Variants in EGLN1 observed in about 807,000 individuals in gnomAD.
EGLN1 encodes the protein egl nine homolog 1.
EGLN1 carries 17 observed loss-of-function variants against 38.3 expected under a neutral mutation model. The ratio of observed to expected loss-of-function variants is 0.44; its 90% CI spans 0.30 to 0.67. EGLN1 has a LOEUF of 0.67. Ranked by LOEUF, EGLN1 falls within the 30% of genes least tolerant of loss-of-function variation. The pLI is 0.08. For missense variants in EGLN1, 477 were observed against 603.3 expected, an observed-to-expected ratio of 0.79 and a Z score of 2.19; for synonymous variants, 283 against 257.5, an observed-to-expected ratio of 1.10 and a Z score of -0.95.
At chr1:231,396,904 T>C (rs1688543514) in intron 1 of EGLN1, among the ~76,000 whole-genome samples, 1 of 152,072 alleles carries the variant, frequency 6.6e-6, no homozygotes, top group African/African-American at 2.4e-5. Flanking sequence ...CAAACCTTCT[T>C]GCTATGTCTC....
chr1:231,416,807 C>G (rs1689095145), intron 1 of EGLN1, among the ~76,000 whole-genome samples: 1 of 152,226 alleles, frequency 6.6e-6, no homozygotes, highest in South Asian at 2.1e-4. Flanking sequence ...TCTCAGTCCA[C>G]ACGTCCCTTA....
chr1:231,419,335 G>A (rs1656483860), intron 1 of EGLN1, among the ~76,000 whole-genome samples: 1 of 152,178 alleles, frequency 6.6e-6, no homozygotes, highest in Admixed American at 6.5e-5. Flanking sequence ...GTGAAAGCAG[G>A]AAGACAAAAG....
At chr1:231,411,354 T>A (rs963245370) in intron 1 of EGLN1, among the ~76,000 whole-genome samples, 3 of 152,234 alleles carry the variant, frequency 2.0e-5, no homozygotes, top group Non-Finnish European at 4.4e-5. Context: ...CATGTGGAAC[T>A]GTGAGTCAAT....
At position 231,422,044 on chromosome 1, in the gene EGLN1, G is replaced by C; in HGVS notation, c.-156C>G. On this transcript the variant is annotated 5_prime_UTR_variant, in exon 1 of 5. Coordinates refer to ENST00000366641, the MANE Select transcript of EGLN1 (RefSeq NM_022051.3). ...CGCCTCAGGGAGGCCGGCACCCCACGCCCTCGGCCCGGCCGCTTCCGAGTC... is the reference window on the plus strand; with the variant it reads ...CGCCTCAGGGAGGCCGGCACCCCACCCCCTCGGCCCGGCCGCTTCCGAGTC... 1.3e-6 allele frequency: 1 copy of C among 770,592 alleles called. No individual in the cohort carries two copies. The highest frequency in any genetic ancestry group is 1.8e-6 in the Non-Finnish European group (1 of 555,126). 47.7% of individuals were successfully genotyped at this position (770,592 alleles called of 1,614,324 possible).
intron 2 of EGLN1, among the ~76,000 whole-genome samples, chr1:231,372,638 T>C (rs1167533605): frequency 6.6e-6 from 1 of 152,228 alleles, no homozygotes; most frequent in African/African-American, 2.4e-5. Flanking sequence ...CTTCAAACTT[T>C]GAAAGCTGTA....
intron 1 of EGLN1, chr1:231,420,279 T>TA (rs1656531212): frequency 6.6e-6 from 1 of 152,290 alleles, no homozygotes; most frequent in African/African-American, 2.4e-5. Context: ...ACAGAAGGAT[T>TA]ACATTAACAA....
intron 1 of EGLN1, among the ~76,000 whole-genome samples, chr1:231,376,527 G>A (rs1687961889): frequency 6.6e-6 from 1 of 151,974 alleles, no homozygotes; most frequent in Non-Finnish European, 1.5e-5. Context: ...TTTATTATAG[G>A]TATGTATGTA....
intron 1 of EGLN1, among the ~76,000 whole-genome samples, chr1:231,395,402 T>C (rs913296982): frequency 4.5e-5 from 5 of 110,996 alleles, no homozygotes; most frequent in African/African-American, 1.3e-4. Context: ...TTGCCTCCGT[T>C]AAGCAGTAAG....
chr1:231,409,015 G>GAA (rs527849240), intron 1 of EGLN1, among the ~76,000 whole-genome samples: 16 of 150,508 alleles, frequency 1.1e-4, no homozygotes, highest in African/African-American at 2.0e-4. Context: ...GATACAAAAA[G>GAA]AAAAAAAACA....
intron 2 of EGLN1, among the ~76,000 whole-genome samples, chr1:231,371,900 A>C (rs557892068): frequency 6.6e-6 from 1 of 152,234 alleles, no homozygotes; most frequent in Admixed American, 6.5e-5. Flanking sequence ...AAGGTTTATC[A>C]GGCTCACTGT....
intron 3 of EGLN1, among the ~76,000 whole-genome samples, 153 bp downstream of exon 3, chr1:231,370,409 T>G (rs992355502): frequency 2.6e-4 from 40 of 152,206 alleles, no homozygotes; most frequent in African/African-American, 9.7e-4. Flanking sequence ...CAGATGACTG[T>G]GCAACATAAA....
intron 2 of EGLN1, among the ~76,000 whole-genome samples, chr1:231,372,495 T>C (rs1321747654): frequency 6.6e-6 from 1 of 152,240 alleles, no homozygotes; most frequent in Admixed American, 6.5e-5. Flanking sequence ...AGTTAGAAGC[T>C]GATGAAACAC....
chr1:231,371,508 G>A (rs2486742), intron 2 of EGLN1, among the ~76,000 whole-genome samples: 87,945 of 151,942 alleles, frequency 0.58, 26,193 homozygotes, highest in Non-Finnish European at 0.65. Flanking sequence ...TATTGTCGTC[G>A]TCACCATCAC....
At chr1:231,382,165 G>C (rs1314046112) in intron 1 of EGLN1, among the ~76,000 whole-genome samples, 1 of 152,214 alleles carries the variant, frequency 6.6e-6, no homozygotes, top group Non-Finnish European at 1.5e-5. Flanking sequence ...GGCTCACTGA[G>C]CAGGTACTGC....
intron 1 of EGLN1, among the ~76,000 whole-genome samples, chr1:231,384,626 C>G (rs769130316): frequency 1.3e-5 from 2 of 152,010 alleles, no homozygotes; most frequent in African/African-American, 4.8e-5. Context: ...CAGACAACAG[C>G]GTAAGATGAA....
At position 231,412,011 on chromosome 1, in the gene EGLN1, C is replaced by CAAAAAAAAAAAAAA. The variant is rs747472895; in HGVS notation, c.891+8973_891+8986dup. Among the ~76,000 whole-genome samples the CAAAAAAAAAAAAAA allele has an allele frequency of 8.9e-5, 3 of 33,666 alleles. 1 individual carries two copies. The highest frequency in any genetic ancestry group is 2.7e-4 in the African/African-American group (3 of 11,288). 22.1% of individuals were successfully genotyped at this position (33,666 alleles called of 152,430 possible). A position where few individuals can be genotyped will look rare whatever the true frequency, so the allele number is the denominator to read the frequency against. ...TGGGTGACAGAGTGAGACTCCATCT[C>CAAAAAAAAAAAAAA]AAAAAAAAAAAAAAAAAAAAAAAAA... On this transcript the variant is annotated intron_variant, in intron 1 of 4. Coordinates refer to ENST00000366641, the MANE Select transcript of EGLN1 (RefSeq NM_022051.3).
In EGLN1 at chr1:231,421,527, G is replaced by C. The variant is rs1312410428; in HGVS notation, c.362C>G (p.Ala121Gly). The change falls in exon 1 of 5, where the codon GCG becomes GGG. Residue 121 changes from alanine (A) to glycine (G), a missense_variant. This residue lies in a region of EGLN1 where 298 missense variants were observed against 288.9 expected (regional missense o/e 1.03). Coordinates refer to ENST00000366641, the MANE Select transcript of EGLN1 (RefSeq NM_022051.3). The surrounding 1 kb of genome is among the most constrained non-coding windows in gnomAD (Gnocchi z 5.5). ...CGCACGACACGGCGACGCGGCCGCC[G>C]CTGGGTCGGCCGGGGGCTTGGCCTT... is the stretch of plus-strand genomic sequence containing the variant. ...KVKAKPPADP[A>G]AAASPCRAAA... 8 of 1,301,582 alleles carry C rather than the reference G, an allele frequency of 6.1e-6. No individual in the cohort carries two copies. The highest frequency in any genetic ancestry group is 6.8e-6 in the Non-Finnish European group (7 of 1,025,984). 80.6% of individuals were successfully genotyped at this position (1,301,582 alleles called of 1,614,324 possible).
chr1:231,373,829 A>G (rs1417283306), intron 2 of EGLN1, 151 bp downstream of exon 2: 6 of 799,360 alleles, frequency 7.5e-6, no homozygotes, highest in South Asian at 1.7e-5. Flanking sequence ...TCATTTTACA[A>G]AAATCCACTC....
At position 231,370,631 on chromosome 1, in the gene EGLN1, A is replaced by G. The variant is rs749582767; in HGVS notation, c.1079T>C (p.Phe360Ser). The G allele has an allele frequency of 1.9e-6, 3 of 1,614,166 alleles. No homozygotes were observed. The Admixed American group carries it at 5.0e-5, about 27-fold the overall frequency. The change falls in exon 3 of 5, where the codon TTT becomes TCT. Residue 360 changes from phenylalanine (F) to serine (S), a missense_variant. Coordinates refer to ENST00000366641, the MANE Select transcript of EGLN1 (RefSeq NM_022051.3). Reference protein sequence around the residue: ...KAQFADIEPKFDRLLFFWSDR... With the variant: ...KAQFADIEPKSDRLLFFWSDR... Reference sequence around the variant, plus strand: ...AGACCAGAAAAACAGCAGTCTATCAAATTTGGGTTCAATGTCAGCAAACTG... The same window carrying G: ...AGACCAGAAAAACAGCAGTCTATCAGATTTGGGTTCAATGTCAGCAAACTG...
Sources: allele counts gnomAD v4.1 joint callset (sites outside exome capture counted in the v4.1 genomes callset), GRCh38; gene constraint gnomAD v4.1.1; regional missense constraint gnomAD v4.1.1; non-coding constraint Gnocchi (gnomAD v3.1); transcripts MANE v1.5; gene names NCBI Gene and HGNC (gene_info 2026-07-23, HGNC 2026-07-21).